The following FAM20B variants were observed in gnomAD, a reference collection of about 807,000 sequenced individuals.
FAM20B encodes the protein FAM20B glycosaminoglycan xylosylkinase.
Under a neutral mutation model 43.8 loss-of-function variants are expected in FAM20B, and 23 were observed. The ratio of observed to expected loss-of-function variants is 0.53; its 90% CI spans 0.38 to 0.74. The LOEUF (loss-of-function observed/expected upper bound fraction) is 0.74. Among genes scored for constraint, FAM20B ranks in the 30% least tolerant of loss-of-function variants. The pLI, the probability that FAM20B is intolerant of heterozygous loss-of-function variation, is 0.00. For missense variants in FAM20B, 440 were observed against 510.5 expected (o/e 0.86, Z 1.33); for synonymous variants, 178 against 192.4 (o/e 0.93, Z 0.62).
rs940011670 is a variant in FAM20B at position 179,075,274 on chromosome 1, A to G, written c.*3130A>G. 6.6e-6 allele frequency: 1 copy of G among 152,130 alleles called. No homozygotes were observed. The highest frequency in any genetic ancestry group is 2.4e-5 in the African/African-American group (1 of 41,418). The allele number at this position is 152,130 out of a possible 1,614,324, so 9.4% of individuals were successfully genotyped here. A position where few individuals can be genotyped will look rare whatever the true frequency, so the allele number is the denominator to read the frequency against. On this transcript the variant is annotated 3_prime_UTR_variant, in exon 8 of 8. Coordinates refer to ENST00000263733, the MANE Select transcript of FAM20B (RefSeq NM_014864.4). ...TTTATTAGAATCTAAGGCTGTTACA[A>G]TCAAGTCGTTGCAGGGTTTGGATCA...
intron 1 of FAM20B, among the ~76,000 whole-genome samples, chr1:179,035,154 A>G (rs947165885): frequency 6.6e-6 from 1 of 152,168 alleles, no homozygotes; most frequent in Non-Finnish European, 1.5e-5. Context: ...AGCCACATAC[A>G]TTGAGATTTA....
chr1:179,018,372 T>C, the FAM20B span, among the ~76,000 whole-genome samples: 1 of 152,162 alleles, frequency 6.6e-6, no homozygotes, highest in Admixed American at 6.6e-5. Context: ...AATGGTACAA[T>C]CTCAGCTCAC....
chr1:179,025,665 G>C (rs1649726145), upstream of FAM20B: 1 of 152,590 alleles, frequency 6.6e-6, no homozygotes, highest in South Asian at 2.1e-4. Context: ...GCCAGTTTAT[G>C]TAAGCGGGCA....
intron 1 of FAM20B, among the ~76,000 whole-genome samples, 157 bp downstream of exon 1, chr1:179,026,255 G>C (rs1374143884): frequency 1.3e-5 from 2 of 151,408 alleles, no homozygotes; most frequent in Admixed American, 1.3e-4. Context: ...CCGGGCACCG[G>C]GTGCCCTGAG....
intron 1 of FAM20B, among the ~76,000 whole-genome samples, chr1:179,034,591 C>CA (rs1650142960): frequency 6.6e-6 from 1 of 152,168 alleles, no homozygotes; most frequent in Non-Finnish European, 1.5e-5. Context: ...AGACAGTCTA[C>CA]AAAAAATTCA....
chr1:179,029,277 C>T (rs369494477), intron 1 of FAM20B, among the ~76,000 whole-genome samples: 51 of 152,338 alleles, frequency 3.3e-4, no homozygotes, highest in African/African-American at 1.2e-3. Context: ...TCCTGTTTTC[C>T]TTCAGCTGTC....
In FAM20B at chr1:179,064,294, C is replaced by T. The variant is rs772629167; in HGVS notation, c.747-11C>T. 1 of 1,594,988 alleles carries T rather than the reference C, an allele frequency of 6.3e-7. No homozygotes were observed. The highest frequency in any genetic ancestry group is 1.1e-5 in the South Asian group (1 of 89,070). On this transcript the variant is annotated splice_polypyrimidine_tract_variant and intron_variant, in intron 5 of 7. Transcript: ENST00000263733. ...GTTGTCACTCAGTGCTGTGATGCTGCTTGTCTCCAGGTGGGAGTATGATGA... is the reference window on the plus strand; with the variant it reads ...GTTGTCACTCAGTGCTGTGATGCTGTTTGTCTCCAGGTGGGAGTATGATGA...
rs529842772 is a variant in FAM20B at position 179,060,558 on chromosome 1, C to T, written c.575-3369C>T. On this transcript the variant is annotated intron_variant, in intron 4 of 7. Coordinates refer to ENST00000263733, the MANE Select transcript of FAM20B (RefSeq NM_014864.4). ...GCACATGTGAAGGATCTAGGCTGCA[C>T]GTTCCTTATGAGAATCTAATACCTG... Among the ~76,000 whole-genome samples the T allele has an allele frequency of 2.3e-3, 356 of 152,256 alleles. 1 individual carries two copies. The highest frequency in any genetic ancestry group is 4.7e-3 in the Non-Finnish European group (318 of 68,016).
At chr1:179,029,090 T>C (rs1649904578) in intron 1 of FAM20B, among the ~76,000 whole-genome samples, 1 of 152,248 alleles carries the variant, frequency 6.6e-6, no homozygotes, top group Non-Finnish European at 1.5e-5. Context: ...AATTGGGCAG[T>C]TGGATTGATA....
chr1:179,076,018 T>C lies in FAM20B; in HGVS notation c.*3874T>C, dbSNP rs1010705874. ...TCTAGCAAGAAAAACATATTTATTTTGACAAAGGGGAACACTGACTTTCTG... is the reference window on the plus strand; with the variant it reads ...TCTAGCAAGAAAAACATATTTATTTCGACAAAGGGGAACACTGACTTTCTG... On this transcript the variant is annotated 3_prime_UTR_variant, in exon 8 of 8. Coordinates refer to ENST00000263733, the MANE Select transcript of FAM20B (RefSeq NM_014864.4). The C allele has an allele frequency of 6.6e-6, 1 of 152,188 alleles. No homozygotes were observed. The highest frequency in any genetic ancestry group is 2.4e-5 in the African/African-American group (1 of 41,442). The allele number at this position is 152,188 out of a possible 1,614,324, so 9.4% of individuals were successfully genotyped here.
intron 4 of FAM20B, among the ~76,000 whole-genome samples, chr1:179,059,003 T>TTCATTA (rs1318193499): frequency 1.8e-4 from 27 of 152,184 alleles, no homozygotes; most frequent in African/African-American, 6.3e-4. Flanking sequence ...AGAAAGATAA[T>TTCATTA]GAATTTAATC....
chr1:179,028,846 G>A (rs575784499), intron 1 of FAM20B, among the ~76,000 whole-genome samples: 1 of 152,224 alleles, frequency 6.6e-6, no homozygotes, highest in Admixed American at 6.5e-5. Flanking sequence ...TATGAGGGAA[G>A]GGGAAATATT....
intron 4 of FAM20B, among the ~76,000 whole-genome samples, chr1:179,061,139 C>T (rs1651450307): frequency 7.1e-6 from 1 of 141,580 alleles, no homozygotes; most frequent in African/African-American, 2.7e-5. Context: ...AGTGCAGTGG[C>T]ACAATCTCGG....
chr1:179,063,936 C>T lies in FAM20B; in HGVS notation c.584C>T (p.Thr195Ile), dbSNP rs1651579288. ...LSTFLTVGNNTCFYGKCYYCR... is the reference protein window; with the variant it reads ...LSTFLTVGNNICFYGKCYYCR... Reference sequence around the variant, plus strand: ...CCTTTCTGTCCTTTAGGAAACAATACTTGTTTTTATGGGAAGTGCTATTAC... The same window carrying T: ...CCTTTCTGTCCTTTAGGAAACAATATTTGTTTTTATGGGAAGTGCTATTAC... Residue 195 changes from threonine to isoleucine, a missense_variant, in exon 5 of 8, where the codon ACT becomes ATT. Coordinates refer to ENST00000263733, the MANE Select transcript of FAM20B (RefSeq NM_014864.4). 2.5e-6 allele frequency: 4 copies of T among 1,605,892 alleles called. No individual in the cohort carries two copies. Among genetic ancestry groups the T allele is most frequent in the Non-Finnish European group, 3.4e-6 (4 of 1,175,632 alleles).
intron 3 of FAM20B, among the ~76,000 whole-genome samples, chr1:179,052,271 A>G (rs1250573059): frequency 6.6e-6 from 1 of 152,170 alleles, no homozygotes; most frequent in Non-Finnish European, 1.5e-5. Context: ...AAACATTGTC[A>G]ATTGCTAATA....
At chr1:179,041,945 G>T (rs1383454435) in intron 1 of FAM20B, among the ~76,000 whole-genome samples, 1 of 152,114 alleles carries the variant, frequency 6.6e-6, no homozygotes, top group Non-Finnish European at 1.5e-5. Flanking sequence ...TCATTGTTTT[G>T]GTTATTAGGC....
chr1:179,031,797 A>C (rs1411363919), intron 1 of FAM20B, among the ~76,000 whole-genome samples: 3 of 152,260 alleles, frequency 2.0e-5, no homozygotes, highest in Admixed American at 6.5e-5. Context: ...GCACATGAAA[A>C]GCTGTCATCT....
Position 179,026,061 on chromosome 1 carries a change from C to A in FAM20B, c.-171C>A. The A allele has an allele frequency of 7.1e-6, 1 of 140,326 alleles. No individual in the cohort carries two copies. Among genetic ancestry groups the A allele is most frequent in the South Asian group, 2.1e-4 (1 of 4,692 alleles). The allele number at this position is 140,326 out of a possible 1,614,324, so 8.7% of individuals were successfully genotyped here. On this transcript the variant is annotated 5_prime_UTR_variant, in exon 1 of 8. Transcript: ENST00000263733. ...CGGCCGGGGCCGCGCCGCACCGCAC[C>A]GCGCGGGCGGCCATGGAGCGAGCCT... is the stretch of plus-strand genomic sequence containing the variant.
At chr1:179,031,300 T>C (rs1383141474) in intron 1 of FAM20B, among the ~76,000 whole-genome samples, 1 of 152,254 alleles carries the variant, frequency 6.6e-6, no homozygotes, top group Non-Finnish European at 1.5e-5. Context: ...ACCTGGCTTA[T>C]TTAAAGGAAA....
Sources: gnomAD v4.1 joint callset for allele counts (sites outside exome capture counted in the v4.1 genomes callset) on GRCh38, gnomAD v4.1.1 for gene constraint, MANE v1.5 for transcripts, NCBI Gene and HGNC (gene_info 2026-07-23, HGNC 2026-07-21) for gene names.